The following CREB1 variants were observed in gnomAD, a reference collection of about 807,000 sequenced individuals.
The protein encoded by CREB1 is cyclic AMP-responsive element-binding protein 1.
CREB1 carries 2 observed loss-of-function variants against 42.0 expected under a neutral mutation model. The ratio of observed to expected loss-of-function variants is 0.05; its 90% confidence interval spans 0.02 to 0.15. The LOEUF (loss-of-function observed/expected upper bound fraction) is 0.15, where lower values mean the gene tolerates loss of function less well. CREB1 is among the 10% of genes least tolerant of loss of function. CREB1 has a pLI of 1.00. For synonymous variants in CREB1, 123 were observed against 139.9 expected (o/e 0.88, Z 0.85); for missense variants, 199 against 388.9 (o/e 0.51, Z 4.11).
chr2:207,583,686 TATAC>T (rs2083328012), intron 7 of CREB1, among the ~76,000 whole-genome samples: 1 of 152,192 alleles, frequency 6.6e-6, no homozygotes, highest in Non-Finnish European at 1.5e-5. Context: ...TAAATTTGCA[TATAC>T]ATAAGTTCAC....
chr2:207,539,400 A>C (rs1029888315), intron 1 of CREB1, among the ~76,000 whole-genome samples: 4 of 151,844 alleles, frequency 2.6e-5, no homozygotes, highest in African/African-American at 9.7e-5. Context: ...TAGTAGCTCT[A>C]TTGTTTGCTG....
chr2:207,530,185 G>GA (rs2080529113), intron 1 of CREB1, 51 bp downstream of exon 1: 1 of 152,796 alleles, frequency 6.5e-6, no homozygotes, highest in African/African-American at 2.4e-5. Context: ...CGGGGGGACG[G>GA]AGGGGGGACG....
intron 1 of CREB1, among the ~76,000 whole-genome samples, chr2:207,532,907 C>T (rs2080710138): frequency 6.6e-6 from 1 of 151,886 alleles, no homozygotes; most frequent in African/African-American, 2.4e-5. Flanking sequence ...AGGTGTGAGC[C>T]ACCGCGCCCG....
intron 1 of CREB1, among the ~76,000 whole-genome samples, chr2:207,546,728 C>CA (rs11397523): frequency 0.4 from 58,450 of 147,096 alleles, 12,707 homozygotes; most frequent in East Asian, 0.64. Context: ...GACCCTATAT[C>CA]AAAAAAAAAA....
Position 207,590,700 on chromosome 2 carries a change from A to C in CREB1, c.840-6214A>C, listed in dbSNP as rs144753353. Reference sequence around the variant, plus strand: ...GGCTTTGCAGACCAAATGATCTGTCACAACTACTCAACTCTGCCGTTGTAA... The same window carrying C: ...GGCTTTGCAGACCAAATGATCTGTCCCAACTACTCAACTCTGCCGTTGTAA... On this transcript the variant is annotated intron_variant, in intron 7 of 7. Coordinates refer to ENST00000353267, the MANE Select transcript of CREB1 (RefSeq NM_004379.5). 2.6e-3 allele frequency among the ~76,000 whole-genome samples: 397 copies of C among 152,266 alleles called. 2 individuals carry two copies. Among genetic ancestry groups the C allele is most frequent in the African/African-American group, 8.6e-3 (359 of 41,554 alleles).
chr2:207,535,899 G>A (rs1489125680), intron 1 of CREB1, among the ~76,000 whole-genome samples: 1 of 151,868 alleles, frequency 6.6e-6, no homozygotes, highest in Non-Finnish European at 1.5e-5. Flanking sequence ...TTGGCTCACT[G>A]CAACCTCTGT....
intron 2 of CREB1, among the ~76,000 whole-genome samples, chr2:207,557,465 G>A (rs1364349073): frequency 1.3e-5 from 2 of 152,098 alleles, no homozygotes; most frequent in Non-Finnish European, 1.5e-5. Context: ...GGCGGATCAC[G>A]AGGTTAGGAG....
At position 207,597,706 on chromosome 2, in the gene CREB1, C is replaced by T. The variant is rs762351363; in HGVS notation, c.*648C>T. ...TTAAAAGCATTCTGTACTAATACAGCTCTTCCATAGGGCAGTTGTTGCTTC... is the reference window on the plus strand; with the variant it reads ...TTAAAAGCATTCTGTACTAATACAGTTCTTCCATAGGGCAGTTGTTGCTTC... On this transcript the variant is annotated 3_prime_UTR_variant, in exon 8 of 8. Coordinates refer to ENST00000353267, the MANE Select transcript of CREB1 (RefSeq NM_004379.5). 1 of 206,416 alleles carries T rather than the reference C, an allele frequency of 4.8e-6. No homozygotes were observed. Among genetic ancestry groups the T allele is most frequent in the Non-Finnish European group, 9.9e-6 (1 of 101,066 alleles). 12.8% of individuals were successfully genotyped at this position (206,416 alleles called of 1,614,324 possible).
intron 3 of CREB1, among the ~76,000 whole-genome samples, chr2:207,561,713 C>A (rs761763785): frequency 6.6e-6 from 1 of 151,956 alleles, no homozygotes; most frequent in Non-Finnish European, 1.5e-5. Context: ...TGGTTGTTTT[C>A]TTCTGGGTGA....
intron 1 of CREB1, among the ~76,000 whole-genome samples, chr2:207,549,612 C>G (rs1050163322): frequency 6.6e-6 from 1 of 152,138 alleles, no homozygotes; most frequent in Non-Finnish European, 1.5e-5. Context: ...CAGTGGCTCA[C>G]GCCTGTAGTC....
At chr2:207,560,426 A>G in intron 3 of CREB1, 54 bp downstream of exon 3, 1 of 1,537,746 alleles carries the variant, frequency 6.5e-7, no homozygotes, top group Admixed American at 1.8e-5. Flanking sequence ...TTATAGCCAT[A>G]TCTCTCTCCT....
chr2:207,553,700 G>A (rs1028559295), intron 1 of CREB1, among the ~76,000 whole-genome samples: 2 of 152,084 alleles, frequency 1.3e-5, no homozygotes, highest in Non-Finnish European at 2.9e-5. Flanking sequence ...ATTAAAATTT[G>A]TTTTAATTAT....
intron 1 of CREB1, among the ~76,000 whole-genome samples, chr2:207,533,510 T>C (rs1368542963): frequency 6.6e-6 from 1 of 152,214 alleles, no homozygotes; most frequent in Non-Finnish European, 1.5e-5. Flanking sequence ...TACAATATAT[T>C]ACCGAAATTT....
chr2:207,531,032 G>A (rs1574732680), intron 1 of CREB1, among the ~76,000 whole-genome samples: 1 of 151,208 alleles, frequency 6.6e-6, no homozygotes. Flanking sequence ...AGGGTGCTAA[G>A]AAAAACATTT....
In CREB1 at chr2:207,605,210, C is replaced by A. The variant is rs929102023; in HGVS notation, c.*8152C>A. 1.3e-5 allele frequency among the ~76,000 whole-genome samples: 2 copies of A among 152,218 alleles called. No individual in the cohort carries two copies. Among genetic ancestry groups the A allele is most frequent in the East Asian group, 3.8e-4 (2 of 5,208 alleles). On this transcript the variant is annotated 3_prime_UTR_variant, in exon 8 of 8. Transcript: ENST00000353267. ...TTGATGTATGAGGGTTCCAATTTCTCCACACCTTCACCAACACTTATTTTG... is the reference window on the plus strand; with the variant it reads ...TTGATGTATGAGGGTTCCAATTTCTACACACCTTCACCAACACTTATTTTG...
At chr2:207,535,481 C>T (rs2080831068) in intron 1 of CREB1, among the ~76,000 whole-genome samples, 1 of 151,990 alleles carries the variant, frequency 6.6e-6, no homozygotes, top group Non-Finnish European at 1.5e-5. Context: ...AGGCTGATTA[C>T]TATACTAGAT....
At chr2:207,539,255 T>C (rs978996348) in intron 1 of CREB1, among the ~76,000 whole-genome samples, 5 of 149,836 alleles carry the variant, frequency 3.3e-5, no homozygotes, top group Non-Finnish European at 5.9e-5. Flanking sequence ...GATTTCACCA[T>C]GTTGGCCAAG....
chr2:207,548,205 A>C lies in CREB1; in HGVS notation c.-8-7423A>C, dbSNP rs558699040. Among the ~76,000 whole-genome samples, 7 of 152,310 alleles carry C rather than the reference A, an allele frequency of 4.6e-5. No homozygotes were observed. In the East Asian group the frequency reaches 1.4e-3, roughly 29 times the overall value. On this transcript the variant is annotated intron_variant, in intron 1 of 7. Transcript: ENST00000353267. ...AGGCCTCCCAAAGCGCAGGGATTAC[A>C]GGTGTGAGCCACTGCATCTGGCTGG...
chr2:207,530,186 AG>A, intron 1 of CREB1, 52 bp downstream of exon 1: 1 of 152,164 alleles, frequency 6.6e-6, no homozygotes, highest in Non-Finnish European at 1.5e-5. Context: ...GGGGGGACGG[AG>A]GGGGGACGGG....
Sources: allele counts gnomAD v4.1 joint callset (sites outside exome capture counted in the v4.1 genomes callset), GRCh38; gene constraint gnomAD v4.1.1; transcripts MANE v1.5; gene names NCBI Gene and HGNC (gene_info 2026-07-23, HGNC 2026-07-21).